TMEM45B: variants seen among roughly 807,000 people sequenced by gnomAD.
The protein encoded by TMEM45B is transmembrane protein 45B.
A neutral mutation model predicts 27.3 loss-of-function variants in TMEM45B; 29 were observed. That is an observed-to-expected ratio of 1.06 (90% CI 0.79 to 1.45). TMEM45B has a LOEUF of 1.45. Ranked by LOEUF, TMEM45B falls within the 40% of genes most tolerant of loss-of-function variation. The pLI is 0.00. For missense variants in TMEM45B, 348 were observed against 343.9 expected (o/e 1.01, Z -0.09); for synonymous variants, 143 against 134.7 (o/e 1.06, Z -0.43).
rs190178808 is a variant in TMEM45B at position 129,818,866 on chromosome 11, C to T, written c.-9+2968C>T. ...GGATTTAAGAAAAATAAAGCAAGTA[C>T]CTCATGTTGCTTCCCCAAATCTACT... is the stretch of plus-strand genomic sequence containing the variant. On this transcript the variant is annotated intron_variant, in intron 1 of 5. Coordinates refer to ENST00000281441, the MANE Select transcript of TMEM45B (RefSeq NM_138788.5). Among the ~76,000 whole-genome samples, 577 of 152,276 alleles carry T rather than the reference C, an allele frequency of 3.8e-3. 1 individual carries two copies. Among genetic ancestry groups the T allele is most frequent in the Middle Eastern group, 6.8e-3 (2 of 294 alleles).
chr11:129,836,712 G>C (rs569024815), intron 1 of TMEM45B, among the ~76,000 whole-genome samples: 2 of 152,238 alleles, frequency 1.3e-5, no homozygotes, highest in East Asian at 1.9e-4. Flanking sequence ...CCAAGCCAAG[G>C]AGAGAGGCCT....
chr11:129,835,410 T>C (rs1383390479), intron 1 of TMEM45B, among the ~76,000 whole-genome samples: 5 of 152,122 alleles, frequency 3.3e-5, no homozygotes, highest in Non-Finnish European at 4.4e-5. Flanking sequence ...GTGGATTGCA[T>C]AGGAGGCCAA....
intron 1 of TMEM45B, among the ~76,000 whole-genome samples, chr11:129,851,700 TAATC>T (rs1026485811): frequency 2.0e-5 from 3 of 151,980 alleles, no homozygotes; most frequent in African/African-American, 7.2e-5. Flanking sequence ...GTGGGGAAAA[TAATC>T]AATCTACTTC....
intron 1 of TMEM45B, among the ~76,000 whole-genome samples, chr11:129,835,338 A>C (rs1480008600): frequency 6.6e-6 from 1 of 152,206 alleles, no homozygotes; most frequent in Admixed American, 6.5e-5. Flanking sequence ...AGTCGGGAAC[A>C]GAGATGTGGT....
chr11:129,839,118 G>A lies in TMEM45B; in HGVS notation c.-8-13357G>A, dbSNP rs556408254. Among the ~76,000 whole-genome samples the A allele has an allele frequency of 3.3e-5, 5 of 152,224 alleles. No homozygotes were observed. In the South Asian group the frequency reaches 1.0e-3, roughly 32 times the overall value. ...TCTATTTCACTTATCTCAAATGAGA[G>A]AGCGAGAGAAGGAAGGAGAGAGGGA... is the stretch of plus-strand genomic sequence containing the variant. On this transcript the variant is annotated intron_variant, in intron 1 of 5. Coordinates refer to ENST00000281441, the MANE Select transcript of TMEM45B (RefSeq NM_138788.5).
chr11:129,852,020 T>C (rs1947853219), intron 1 of TMEM45B, among the ~76,000 whole-genome samples: 1 of 152,252 alleles, frequency 6.6e-6, no homozygotes, highest in Non-Finnish European at 1.5e-5. Flanking sequence ...CTACGGTCTT[T>C]TTCTTATCAA....
chr11:129,848,466 C>G (rs1947799648), intron 1 of TMEM45B, among the ~76,000 whole-genome samples: 1 of 152,208 alleles, frequency 6.6e-6, no homozygotes, highest in African/African-American at 2.4e-5. Context: ...GGCAGCAGCA[C>G]AGTCCAGCTT....
chr11:129,852,360 C>CAGGCCGGGCGCGGTGGCTCACGCCTG (rs1947859230), intron 1 of TMEM45B, 115 bp from the exon 2 acceptor site: 1 of 898,522 alleles, frequency 1.1e-6, no homozygotes, highest in Non-Finnish European at 1.7e-6. Flanking sequence ...TGTGTTGATC[C>CAGGCCGGGCGCGGTGGCTCACGCCTG]TTCTTAACGT....
chr11:129,841,560 G>A (rs1023283207), intron 1 of TMEM45B, among the ~76,000 whole-genome samples: 1 of 149,630 alleles, frequency 6.7e-6, no homozygotes, highest in African/African-American at 2.5e-5. Context: ...GGTTGGAAGT[G>A]TAATGGGCTT....
At chr11:129,848,043 A>G (rs1358782347) in intron 1 of TMEM45B, among the ~76,000 whole-genome samples, 9 of 150,770 alleles carry the variant, frequency 6.0e-5, no homozygotes, top group Admixed American at 1.3e-4. Context: ...CTGGGCAGCC[A>G]GGCAGAGGGG....
chr11:129,818,280 G>T (rs574775629), intron 1 of TMEM45B, among the ~76,000 whole-genome samples: 122 of 152,304 alleles, frequency 8.0e-4, no homozygotes, highest in African/African-American at 2.3e-3. Flanking sequence ...CACTACTGGA[G>T]GAAAAAGGAA....
At chr11:129,837,547 A>G (rs1591441327) in intron 1 of TMEM45B, among the ~76,000 whole-genome samples, 1 of 147,576 alleles carries the variant, frequency 6.8e-6, no homozygotes, top group Non-Finnish European at 1.5e-5. Context: ...TCGGCCTCCC[A>G]AAGTGCTGGA....
At chr11:129,824,151 C>G in intron 1 of TMEM45B, among the ~76,000 whole-genome samples, 1 of 152,166 alleles carries the variant, frequency 6.6e-6, no homozygotes, top group Non-Finnish European at 1.5e-5. Context: ...GCTTCGGTCT[C>G]ACTGGGGCTG....
chr11:129,858,416 TG>T (rs1213445982), intron 5 of TMEM45B, among the ~76,000 whole-genome samples, 157 bp from the exon 6 acceptor site: 1 of 152,208 alleles, frequency 6.6e-6, no homozygotes, highest in Non-Finnish European at 1.5e-5. Flanking sequence ...TATCTACTGA[TG>T]AATATTTCCT....
At chr11:129,837,935 C>T (rs1426472899) in intron 1 of TMEM45B, among the ~76,000 whole-genome samples, 2 of 151,810 alleles carry the variant, frequency 1.3e-5, no homozygotes, top group Non-Finnish European at 2.9e-5. Flanking sequence ...GTGCCCGCCA[C>T]CATGCCCAGC....
At chr11:129,853,508 G>A (rs118098136) in intron 2 of TMEM45B, among the ~76,000 whole-genome samples, 2 of 152,308 alleles carry the variant, frequency 1.3e-5, no homozygotes, top group East Asian at 1.9e-4. Flanking sequence ...GAGGCCTCCC[G>A]TGAGAAGTGA....
intron 1 of TMEM45B, among the ~76,000 whole-genome samples, chr11:129,844,140 T>A (rs902089611): frequency 6.6e-6 from 1 of 152,184 alleles, no homozygotes; most frequent in Non-Finnish European, 1.5e-5. Flanking sequence ...GAAATCCTGC[T>A]ATTTGCAACA....
At chr11:129,828,358 TC>T (rs1947511137) in intron 1 of TMEM45B, 1 of 152,222 alleles carries the variant, frequency 6.6e-6, no homozygotes, top group Non-Finnish European at 1.5e-5. Context: ...ACCGTGCTGT[TC>T]CCAAGAACCT....
intron 1 of TMEM45B, among the ~76,000 whole-genome samples, chr11:129,842,263 T>C (rs1947705774): frequency 6.6e-6 from 1 of 152,178 alleles, no homozygotes; most frequent in Non-Finnish European, 1.5e-5. Context: ...GCTGAAAGCT[T>C]CCCAGGTTTG....
Sources: gnomAD v4.1 joint callset for allele counts (sites outside exome capture counted in the v4.1 genomes callset) on GRCh38, gnomAD v4.1.1 for gene constraint, MANE v1.5 for transcripts, NCBI Gene and HGNC (gene_info 2026-07-23, HGNC 2026-07-21) for gene names.